Variants in ABR observed in about 807,000 individuals in gnomAD.
ABR encodes active breakpoint cluster region-related protein.
ABR carries 35 observed loss-of-function variants against 107.2 expected under a neutral mutation model. The observed-to-expected ratio is 0.33, with a 90% CI of 0.25 to 0.43. The LOEUF is 0.43. ABR is among the 20% of genes least tolerant of loss of function. ABR has a pLI of 1.00. For synonymous variants in ABR, 498 were observed against 462.0 expected, an observed-to-expected ratio of 1.08 and a Z score of -1.00; for missense variants, 815 against 1,115.2, an observed-to-expected ratio of 0.73 and a Z score of 3.83.
chr17:1,136,382 C>T (rs749124460), intron 1 of ABR, among the ~76,000 whole-genome samples: 1 of 74,932 alleles, frequency 1.3e-5, no homozygotes, highest in Non-Finnish European at 3.2e-5. Flanking sequence ...ATGTGCACCA[C>T]CAGGCCTGGC....
chr17:1,067,829 G>T (rs988840047), intron 9 of ABR, among the ~76,000 whole-genome samples: 5 of 152,226 alleles, frequency 3.3e-5, no homozygotes, highest in East Asian at 1.9e-4. Flanking sequence ...CGCAAAGGAC[G>T]ACAGGCAGAA....
At chr17:1,066,613 C>T (rs1306490122) in intron 10 of ABR, among the ~76,000 whole-genome samples, 1 of 152,064 alleles carries the variant, frequency 6.6e-6, no homozygotes, top group Non-Finnish European at 1.5e-5. Flanking sequence ...ACTGCAACCT[C>T]CACCTCCCGG....
At position 1,078,498 on chromosome 17, in the gene ABR, G is replaced by A. The variant is rs974405698; in HGVS notation, c.700+832C>T. On this transcript the variant is annotated intron_variant, in intron 6 of 22. Transcript: ENST00000302538. The surrounding 1 kb of genome is among the most constrained non-coding windows in gnomAD (Gnocchi z 7.5). ...CAGGGCTACTACGTCTGCGGGCACA[G>A]CTCGTCGCCGTCTCTCCCTAACAGC... Among the ~76,000 whole-genome samples, 6 of 152,040 alleles carry A rather than the reference G, an allele frequency of 3.9e-5. No individual in the cohort carries two copies. Among genetic ancestry groups the A allele is most frequent in the South Asian group, 4.1e-4 (2 of 4,828 alleles).
At chr17:1,216,188 A>C (rs2043005536) in intron 1 of ABR, among the ~76,000 whole-genome samples, 1 of 152,098 alleles carries the variant, frequency 6.6e-6, no homozygotes, top group Non-Finnish European at 1.5e-5. Context: ...TAAAAAAAAA[A>C]AGAAAGAAAC....
intron 16 of ABR, among the ~76,000 whole-genome samples, chr17:1,028,274 T>A (rs2072402350): frequency 6.9e-6 from 1 of 145,468 alleles, no homozygotes; most frequent in South Asian, 2.3e-4. Flanking sequence ...TTTTTTTGTA[T>A]TTTTAGTAGA....
At position 1,215,557 on chromosome 17, in the gene ABR, C is replaced by G. The variant is rs529089288; in HGVS notation, c.838+13236G>C. Among the ~76,000 whole-genome samples the G allele has an allele frequency of 1.3e-3, 201 of 152,298 alleles. 1 individual carries two copies. Among genetic ancestry groups the G allele is most frequent in the East Asian group, 5.4e-3 (28 of 5,172 alleles). On this transcript the variant is annotated intron_variant, in intron 1 of 22. Coordinates refer to the ABR transcript ENST00000574139. ...CACTGAGTGCTCAATGGTGCCCAGGCTGGAGTGCAGTGGCGTGATCTCGGC... is the reference window on the plus strand; with the variant it reads ...CACTGAGTGCTCAATGGTGCCCAGGGTGGAGTGCAGTGGCGTGATCTCGGC...
chr17:1,176,129 C>A (rs1439019314), intron 1 of ABR, among the ~76,000 whole-genome samples: 5 of 151,682 alleles, frequency 3.3e-5, no homozygotes, highest in Non-Finnish European at 1.5e-5. Flanking sequence ...AGGGGAGGGG[C>A]TGGCTGGCAG....
At position 1,072,788 on chromosome 17, in the gene ABR, G is replaced by A. The variant is rs367878044; in HGVS notation, c.754-34C>T. The A allele has an allele frequency of 1.8e-4, 287 of 1,602,464 alleles. 7 individuals carry two copies. In the South Asian group the frequency reaches 2.4e-3, roughly 13 times the overall value. ...GGTGAGGCGGTGAGTTGAGGGGAGC[G>A]GCTCTGGGGCCTGATGTGTGGCCAC... On this transcript the variant is annotated intron_variant, in intron 7 of 22. Coordinates refer to ENST00000302538, the MANE Select transcript of ABR (RefSeq NM_021962.5).
At chr17:1,094,289 G>A (rs923481128) in intron 3 of ABR, among the ~76,000 whole-genome samples, 1 of 151,934 alleles carries the variant, frequency 6.6e-6, no homozygotes, top group Non-Finnish European at 1.5e-5. Context: ...GCAGCCTCAT[G>A]TGTGAAACTG....
At chr17:1,174,137 C>T (rs1252711327) in intron 1 of ABR, among the ~76,000 whole-genome samples, 3 of 152,312 alleles carry the variant, frequency 2.0e-5, no homozygotes, top group African/African-American at 7.2e-5. Context: ...CATCTTCCAG[C>T]CAATTCCCCA....
At chr17:1,206,039 C>A (rs1346497645) in intron 1 of ABR, among the ~76,000 whole-genome samples, 1 of 151,496 alleles carries the variant, frequency 6.6e-6, no homozygotes, top group Non-Finnish European at 1.5e-5. Context: ...TTATTTGAAC[C>A]CAGGAGGTGG....
intron 1 of ABR, among the ~76,000 whole-genome samples, chr17:1,201,592 G>A (rs953026711): frequency 7.2e-5 from 11 of 152,322 alleles, no homozygotes; most frequent in Middle Eastern, 3.4e-3. Flanking sequence ...TGTGCGTGGT[G>A]TGAAGGTCAC....
intron 16 of ABR, among the ~76,000 whole-genome samples, chr17:1,033,809 CCTAA>C (rs966097762): frequency 2.0e-5 from 3 of 152,062 alleles, no homozygotes; most frequent in African/African-American, 7.2e-5. Context: ...GCCTGTGTCC[CCTAA>C]CTGAGGCCTC....
At chr17:1,127,143 C>T (rs1750635439) in intron 1 of ABR, among the ~76,000 whole-genome samples, 1 of 152,246 alleles carries the variant, frequency 6.6e-6, no homozygotes, top group South Asian at 2.1e-4. Flanking sequence ...CTCCTCGTCC[C>T]TGAGCCAATG....
intron 1 of ABR, among the ~76,000 whole-genome samples, chr17:1,160,282 CCACACA>C (rs112524650): frequency 2.0e-4 from 30 of 148,756 alleles, no homozygotes; most frequent in Non-Finnish European, 3.4e-4. Context: ...CAAAAAAAAA[CCACACA>C]CACACACACA....
chr17:1,122,274 A>T (rs1160872623), intron 2 of ABR, among the ~76,000 whole-genome samples: 1 of 152,220 alleles, frequency 6.6e-6, no homozygotes, highest in Non-Finnish European at 1.5e-5. Context: ...GAATAATAGT[A>T]TGACACTTCA....
intron 1 of ABR, among the ~76,000 whole-genome samples, chr17:1,137,442 CAG>C (rs1474096466): frequency 0.77 from 117,593 of 151,780 alleles, 47,715 homozygotes; most frequent in East Asian, 1. Flanking sequence ...TTTTGTGTCT[CAG>C]GGAATAGGGA....
At chr17:1,058,982 G>C in intron 10 of ABR, 115 bp from the exon 11 acceptor site, 1 of 1,458,210 alleles carries the variant, frequency 6.9e-7, no homozygotes, top group Non-Finnish European at 9.3e-7. Flanking sequence ...TCCGTATTTC[G>C]TGATGTTTTG....
chr17:1,201,587 G>A (rs1304000095), intron 1 of ABR, among the ~76,000 whole-genome samples: 4 of 152,300 alleles, frequency 2.6e-5, no homozygotes, highest in Admixed American at 2.0e-4. Flanking sequence ...GATATTGTGC[G>A]TGGTGTGAAG....
Sources: allele counts gnomAD v4.1 joint callset (sites outside exome capture counted in the v4.1 genomes callset), GRCh38; gene constraint gnomAD v4.1.1; non-coding constraint Gnocchi (gnomAD v3.1); transcripts MANE v1.5; gene names NCBI Gene and HGNC (gene_info 2026-07-23, HGNC 2026-07-21).